XPA: variants seen among roughly 807,000 people sequenced by gnomAD.
The protein encoded by XPA is XPA, DNA damage recognition and repair factor.
A neutral mutation model predicts 35.7 loss-of-function variants in XPA; 27 were observed. The ratio of observed to expected loss-of-function variants is 0.76; its 90% CI spans 0.56 to 1.04. The LOEUF (loss-of-function observed/expected upper bound fraction) is 1.04, where lower values mean the gene tolerates loss of function less well. Among genes scored for constraint, XPA ranks in the 50% least tolerant of loss-of-function variants. The probability of loss-of-function intolerance (pLI) is 0.00; values close to 1 mark genes in which losing one functional copy is unlikely to be tolerated. For missense variants in XPA, 354 were observed against 342.7 expected (o/e 1.03, Z -0.26); for synonymous variants, 133 against 118.4 (o/e 1.12, Z -0.80).
chr9:97,661,908 G>T, the XPA span: 1 of 502,658 alleles, frequency 2.0e-6, no homozygotes, highest in Non-Finnish European at 3.4e-6. Context: ...GTCTTTTATT[G>T]TTTATTAGAA....
intron 5 of XPA, among the ~76,000 whole-genome samples, chr9:97,679,073 A>G (rs1587739168): frequency 6.6e-6 from 1 of 152,370 alleles, no homozygotes; most frequent in African/African-American, 2.4e-5. Context: ...AGATCAACTA[A>G]CAAAACTAGA....
chr9:97,689,761 CAAAAT>C (rs1386590653), intron 2 of XPA, 122 bp from the exon 3 acceptor site: 5 of 484,244 alleles, frequency 1.0e-5, no homozygotes, highest in African/African-American at 2.2e-5. Context: ...AAGTAAAAGA[CAAAAT>C]AAGACCTTAT....
the XPA span, among the ~76,000 whole-genome samples, chr9:97,667,811 G>A: frequency 2.0e-5 from 3 of 152,182 alleles, no homozygotes; most frequent in Non-Finnish European, 4.4e-5. Context: ...CAGTAGTAAC[G>A]TGTGGTTGCG....
In XPA at chr9:97,675,226, A is replaced by C. The variant is rs1564035633; in HGVS notation, c.*213T>G. The stretch of plus-strand genomic sequence containing the variant: ...CTCTGTTGTAAGAAGGCAATCACAG[A>C]CATGACATTGTGCACACAACCAGGC... On this transcript the variant is annotated 3_prime_UTR_variant, in exon 6 of 6. Coordinates refer to ENST00000375128, the MANE Select transcript of XPA (RefSeq NM_000380.4). The C allele has an allele frequency of 3.0e-6, 2 of 667,682 alleles. No homozygotes were observed. Among genetic ancestry groups the C allele is most frequent in the South Asian group, 3.0e-5 (2 of 66,408 alleles). The allele number at this position is 667,682 out of a possible 1,614,324, so 41.4% of individuals were successfully genotyped here.
intron 2 of XPA, among the ~76,000 whole-genome samples, chr9:97,691,981 A>G (rs1027140748): frequency 6.6e-6 from 1 of 150,736 alleles, no homozygotes; most frequent in African/African-American, 2.4e-5. Flanking sequence ...AACTGCCACA[A>G]TTTCCAACAA....
At chr9:97,658,852 T>C in the XPA span, 3 of 795,856 alleles carry the variant, frequency 3.8e-6, no homozygotes, top group South Asian at 3.1e-5. Context: ...TTGGGGTTTA[T>C]ATTTCCTGTA....
At chr9:97,665,414 A>G in the XPA span, among the ~76,000 whole-genome samples, 1 of 152,258 alleles carries the variant, frequency 6.6e-6, no homozygotes, top group Non-Finnish European at 1.5e-5. Flanking sequence ...GAAGTGTCAC[A>G]GAGTGCTTTA....
chr9:97,688,877 G>C (rs1471289053), intron 3 of XPA, among the ~76,000 whole-genome samples: 1 of 152,158 alleles, frequency 6.6e-6, no homozygotes, highest in Non-Finnish European at 1.5e-5. Flanking sequence ...AGTAAGCACA[G>C]GGAACAGGTA....
the XPA span, chr9:97,662,155 G>A: frequency 6.3e-7 from 1 of 1,595,444 alleles, no homozygotes. Context: ...GTATGTATGA[G>A]TACAGAGCCT....
At chr9:97,668,588 G>A in the XPA span, among the ~76,000 whole-genome samples, 1 of 152,068 alleles carries the variant, frequency 6.6e-6, no homozygotes, top group African/African-American at 2.4e-5. Context: ...GTCCCCCCAT[G>A]TTGTTACCAA....
At chr9:97,669,063 G>A in the XPA span, 8 of 1,359,936 alleles carry the variant, frequency 5.9e-6, no homozygotes, top group Admixed American at 9.3e-5. Flanking sequence ...CATTGTAAAA[G>A]GAATACACAT....
intron 2 of XPA, among the ~76,000 whole-genome samples, chr9:97,691,563 G>C (rs1256679543): frequency 1.3e-5 from 2 of 152,040 alleles, no homozygotes; most frequent in Non-Finnish European, 2.9e-5. Context: ...AATTAGCCAG[G>C]TGTCAATTAG....
the XPA span, among the ~76,000 whole-genome samples, chr9:97,667,397 A>G: frequency 0.014 from 2,132 of 152,304 alleles, 102 homozygotes; most frequent in East Asian, 0.13. Context: ...AGTGTTATGC[A>G]TATTTACCAT....
intron 5 of XPA, among the ~76,000 whole-genome samples, chr9:97,678,780 C>T (rs1408022523): frequency 6.6e-6 from 1 of 152,122 alleles, no homozygotes; most frequent in African/African-American, 2.4e-5. Context: ...ACATCAGTGC[C>T]TCCAGATATG....
intron 5 of XPA, among the ~76,000 whole-genome samples, chr9:97,677,834 C>G (rs914999793): frequency 1.5e-4 from 22 of 151,462 alleles, no homozygotes; most frequent in Admixed American, 1.4e-3. Context: ...TGAGAGAGCC[C>G]AAGAAAAAGG....
At chr9:97,692,081 T>C (rs1187365696) in intron 2 of XPA, among the ~76,000 whole-genome samples, 3 of 151,708 alleles carry the variant, frequency 2.0e-5, no homozygotes, top group East Asian at 3.9e-4. Flanking sequence ...TCACCTGAGA[T>C]TGGGTGCTCA....
chr9:97,675,805 G>A (rs1828347631), intron 5 of XPA: 2 of 602,150 alleles, frequency 3.3e-6, no homozygotes, highest in Non-Finnish European at 5.9e-6. Flanking sequence ...AGTTGTCACT[G>A]GAGCAGTGTG....
chr9:97,682,140 A>G lies in XPA; in HGVS notation c.673+2783T>C, dbSNP rs148474134. The G allele has an allele frequency of 2.3e-4, 89 of 384,636 alleles. 1 individual carries two copies. Among genetic ancestry groups the G allele is most frequent in the African/African-American group, 1.4e-3 (64 of 47,386 alleles). The allele number at this position is 384,636 out of a possible 1,614,324, so 23.8% of individuals were successfully genotyped here. On this transcript the variant is annotated intron_variant, in intron 5 of 5. Transcript: ENST00000375128. The stretch of plus-strand genomic sequence containing the variant: ...AAAATTCTTTTTGGTAGTAAGATCA[A>G]TTCTCAAACTGCTAAAGTAGAAGAT...
the XPA span, among the ~76,000 whole-genome samples, chr9:97,666,593 A>G: frequency 2.6e-5 from 4 of 152,224 alleles, no homozygotes; most frequent in African/African-American, 2.4e-5. Flanking sequence ...TACTTGCACA[A>G]TTTACAATAA....
Sources: gnomAD v4.1 joint callset for allele counts (sites outside exome capture counted in the v4.1 genomes callset) on GRCh38, gnomAD v4.1.1 for gene constraint, MANE v1.5 for transcripts, NCBI Gene and HGNC (gene_info 2026-07-23, HGNC 2026-07-21) for gene names.